Variants in SYNPO2 observed in about 807,000 individuals in gnomAD.
The protein encoded by SYNPO2 is synaptopodin-2.
Under a neutral mutation model 85.0 loss-of-function variants are expected in SYNPO2, and 56 were observed. The ratio of observed to expected loss-of-function variants is 0.66; its 90% CI spans 0.53 to 0.82. The LOEUF is 0.82. Among genes scored for constraint, SYNPO2 ranks in the 40% least tolerant of loss-of-function variants. SYNPO2 has a pLI of 0.00. For synonymous variants in SYNPO2, 602 were observed against 591.1 expected (o/e 1.02, Z -0.27); for missense variants, 1,575 against 1,534.2 (o/e 1.03, Z -0.44).
At chr4:119,023,607 A>G (rs898367398) in intron 2 of SYNPO2, 26 bp downstream of exon 2, 19 of 1,599,416 alleles carry the variant, frequency 1.2e-5, no homozygotes, top group Non-Finnish European at 1.6e-5. Context: ...TGGAATATGT[A>G]TTTTCTCTTG....
At chr4:118,922,957 G>A (rs937401664) in intron 1 of SYNPO2, among the ~76,000 whole-genome samples, 4 of 152,024 alleles carry the variant, frequency 2.6e-5, no homozygotes, top group African/African-American at 9.7e-5. Flanking sequence ...TATATCTTTA[G>A]TTATACATCT....
intron 1 of SYNPO2, among the ~76,000 whole-genome samples, chr4:119,005,342 A>G (rs1330443056): frequency 6.6e-6 from 1 of 152,096 alleles, no homozygotes; most frequent in Non-Finnish European, 1.5e-5. Context: ...GTTTTCTTCT[A>G]GGGTTTTTAT....
intron 1 of SYNPO2, among the ~76,000 whole-genome samples, chr4:118,939,371 G>C (rs535945120): frequency 1.3e-5 from 2 of 152,308 alleles, no homozygotes; most frequent in South Asian, 2.1e-4. Context: ...AAGTACTTGC[G>C]TGCTGTTCTG....
chr4:118,914,916 G>A (rs910692857), intron 1 of SYNPO2, among the ~76,000 whole-genome samples: 1 of 151,248 alleles, frequency 6.6e-6, no homozygotes, highest in African/African-American at 2.4e-5. Context: ...ATTCACTGAA[G>A]TTTGTGCTTA....
chr4:118,997,057 G>A (rs1488574561), intron 1 of SYNPO2, among the ~76,000 whole-genome samples: 3 of 151,120 alleles, frequency 2.0e-5, no homozygotes, highest in African/African-American at 4.9e-5. Context: ...CGGCTAAAAC[G>A]GTGAAACCCC....
intron 4 of SYNPO2, chr4:119,034,540 G>C (rs1196260997): frequency 2.0e-6 from 2 of 985,400 alleles, no homozygotes; most frequent in African/African-American, 3.5e-5. Flanking sequence ...TAAGAGGCAT[G>C]TCAGGCATGC....
At chr4:119,051,328 T>G (rs912578663) in intron 4 of SYNPO2, among the ~76,000 whole-genome samples, 195 of 145,508 alleles carry the variant, frequency 1.3e-3, no homozygotes, top group African/African-American at 4.7e-3. Context: ...TAGCTGGGAC[T>G]ACAAGCGCCC....
rs370135118 is a variant in SYNPO2 at position 119,031,141 on chromosome 4, C to T, written c.2366C>T (p.Pro789Leu). 1.7e-5 allele frequency: 27 copies of T among 1,614,058 alleles called. No homozygotes were observed. The highest frequency in any genetic ancestry group is 2.2e-5 in the Non-Finnish European group (26 of 1,180,046). Residue 789 changes from proline (P) to leucine (L), a missense_variant, in exon 4 of 5, where the codon CCT becomes CTT. Transcript: ENST00000307142. ...TCTCCAGGAGTGGCTCCCACCCAAC[C>T]TCCTGCCTTCCCCACATCCAACCCA... Reference protein sequence around the residue: ...VWSPGVAPTQPPAFPTSNPSK... With the variant: ...VWSPGVAPTQLPAFPTSNPSK...
rs1253511064 is a variant in SYNPO2, at chr4:118,941,350, T to A, written c.105+52209T>A. 5.9e-5 allele frequency among the ~76,000 whole-genome samples: 9 copies of A among 152,294 alleles called. No individual in the cohort carries two copies. The Middle Eastern group carries it at 0.01, about 173-fold the overall frequency. On this transcript the variant is annotated intron_variant, in intron 1 of 4. Coordinates refer to ENST00000307142, the MANE Select transcript of SYNPO2 (RefSeq NM_133477.3). Reference sequence around the variant, plus strand: ...AGGACACTGTCAATGTTTTCCTACATTGCTTCACTAGTCCACTAACTGGCA... The same window carrying A: ...AGGACACTGTCAATGTTTTCCTACAATGCTTCACTAGTCCACTAACTGGCA...
chr4:119,025,631 G>A (rs1010322769), intron 2 of SYNPO2, among the ~76,000 whole-genome samples: 4 of 151,986 alleles, frequency 2.6e-5, no homozygotes, highest in Non-Finnish European at 5.9e-5. Flanking sequence ...TTCAGCTGAC[G>A]TGCCTGCATG....
chr4:118,963,472 CTG>C (rs1375293842), intron 1 of SYNPO2, among the ~76,000 whole-genome samples: 1 of 152,104 alleles, frequency 6.6e-6, no homozygotes, highest in Non-Finnish European at 1.5e-5. Flanking sequence ...TGTATTTAGA[CTG>C]GACTGAAAAA....
rs1368474043 is a variant in SYNPO2 at position 119,031,807 on chromosome 4, T to C, written c.3032T>C (p.Val1011Ala). 1 of 1,614,166 alleles carries C rather than the reference T, an allele frequency of 6.2e-7. No homozygotes were observed. Among genetic ancestry groups the C allele is most frequent in the Non-Finnish European group, 8.5e-7 (1 of 1,180,020 alleles). ...AAGCAAGCTCTTCCTCCCCGGCCAG[T>C]GAATGCTGCCTCACCTACGAATGTG... ...AMKQALPPRP[V>A]NAASPTNVQA... The change falls in exon 4 of 5, where the codon GTG (valine) becomes GCG (alanine). Residue 1011 changes from valine (V) to alanine (A), a missense_variant. Coordinates refer to ENST00000307142, the MANE Select transcript of SYNPO2 (RefSeq NM_133477.3).
chr4:118,996,478 T>TA (rs1191814345), intron 1 of SYNPO2, among the ~76,000 whole-genome samples: 4 of 152,156 alleles, frequency 2.6e-5, no homozygotes, highest in Non-Finnish European at 5.9e-5. Context: ...TCCATATTGA[T>TA]AAAAAAGTGA....
At chr4:118,931,677 C>T (rs1448047249) in intron 1 of SYNPO2, among the ~76,000 whole-genome samples, 2 of 152,074 alleles carry the variant, frequency 1.3e-5, no homozygotes, top group Admixed American at 6.5e-5. Flanking sequence ...CAGTGGGATC[C>T]CAGATTCTCA....
intron 1 of SYNPO2, among the ~76,000 whole-genome samples, chr4:118,890,424 C>T (rs1177161948): frequency 3.3e-5 from 5 of 152,074 alleles, no homozygotes; most frequent in East Asian, 3.9e-4. Context: ...AAGTAACTTG[C>T]CTTAAGTTTT....
At chr4:118,965,180 T>A (rs1735264700) in intron 1 of SYNPO2, among the ~76,000 whole-genome samples, 1 of 152,142 alleles carries the variant, frequency 6.6e-6, no homozygotes, top group African/African-American at 2.4e-5. Context: ...TGATAATATA[T>A]TGCAAAAACT....
chr4:119,049,771 A>G (rs1738977593), intron 4 of SYNPO2, among the ~76,000 whole-genome samples: 1 of 152,238 alleles, frequency 6.6e-6, no homozygotes, highest in Non-Finnish European at 1.5e-5. Context: ...AAGATGGTTT[A>G]TGTTAAGCTG....
chr4:118,865,038 C>G (rs1190001271), intron 1 of SYNPO2, among the ~76,000 whole-genome samples: 2 of 152,156 alleles, frequency 1.3e-5, no homozygotes, highest in Non-Finnish European at 2.9e-5. Context: ...CCCCAGAGGT[C>G]TGAGGGAACA....
At chr4:119,035,859 G>T (rs915304982) in intron 4 of SYNPO2, 67 of 985,102 alleles carry the variant, frequency 6.8e-5, no homozygotes, top group Non-Finnish European at 8.1e-5. Flanking sequence ...TTGAAAGGGG[G>T]TAGACTAACG....
Sources: gnomAD v4.1 joint callset for allele counts (sites outside exome capture counted in the v4.1 genomes callset) on GRCh38, gnomAD v4.1.1 for gene constraint, MANE v1.5 for transcripts, NCBI Gene and HGNC (gene_info 2026-07-23, HGNC 2026-07-21) for gene names.